The following NHSL1 variants were observed in gnomAD, a reference collection of about 807,000 sequenced individuals.
NHSL1 encodes the protein NHS-like protein 1.
A neutral mutation model predicts 95.0 loss-of-function variants in NHSL1; 48 were observed. That is an observed-to-expected ratio of 0.51 (90% CI 0.40 to 0.64). The LOEUF (loss-of-function observed/expected upper bound fraction) is 0.64, where lower values mean the gene tolerates loss of function less well. Among genes scored for constraint, NHSL1 ranks in the 30% least tolerant of loss-of-function variants. The probability of loss-of-function intolerance (pLI) is 0.00; values close to 1 mark genes in which losing one functional copy is unlikely to be tolerated. For missense variants in NHSL1, 1,971 were observed against 2,077.7 expected (o/e 0.95, Z 1.00); for synonymous variants, 783 against 833.9 (o/e 0.94, Z 1.05).
intron 3 of NHSL1, among the ~76,000 whole-genome samples, chr6:138,453,268 C>G (rs1422841312): frequency 2.0e-5 from 3 of 152,164 alleles, no homozygotes; most frequent in African/African-American, 7.2e-5. Context: ...GCCACCATGC[C>G]CAGCCTAATT....
chr6:138,683,155 C>G (rs1302444830), intron 1 of NHSL1, among the ~76,000 whole-genome samples: 2 of 152,196 alleles, frequency 1.3e-5, no homozygotes, highest in African/African-American at 2.4e-5. Context: ...CTGGCTTCCC[C>G]GGCCCCAGTG....
upstream of NHSL1, among the ~76,000 whole-genome samples, chr6:138,576,323 T>C (rs529688384): frequency 2.1e-4 from 32 of 152,014 alleles, no homozygotes; most frequent in African/African-American, 7.5e-4. Flanking sequence ...AATTGGTTTT[T>C]AAAAAAAATA....
At chr6:138,495,820 T>C (rs751953703) in intron 2 of NHSL1, among the ~76,000 whole-genome samples, 2 of 152,176 alleles carry the variant, frequency 1.3e-5, no homozygotes, top group Non-Finnish European at 2.9e-5. Flanking sequence ...CGCACAATCA[T>C]GGCAGAAGGT....
intron 3 of NHSL1, among the ~76,000 whole-genome samples, chr6:138,457,340 G>C (rs1048046414): frequency 6.6e-6 from 1 of 152,082 alleles, no homozygotes; most frequent in African/African-American, 2.4e-5. Flanking sequence ...GATATGTGTG[G>C]ATCTCGTTAG....
chr6:138,617,943 CCACCAAA>C (rs373178920), intron 1 of NHSL1, among the ~76,000 whole-genome samples: 2,388 of 152,276 alleles, frequency 0.016, 25 homozygotes, highest in Non-Finnish European at 0.025. Flanking sequence ...TGGGACCTCA[CCACCAAA>C]CATTTCTCAT....
chr6:138,572,493 A>T (rs1783875742), exon 1 of NHSL1: 1 of 152,612 alleles, frequency 6.6e-6, no homozygotes, highest in Non-Finnish European at 1.5e-5. Context: ...AGCACAGGGC[A>T]GAATCATAAA....
chr6:138,466,699 C>T (rs997923949), intron 3 of NHSL1, among the ~76,000 whole-genome samples: 4 of 152,162 alleles, frequency 2.6e-5, no homozygotes, highest in African/African-American at 9.7e-5. Flanking sequence ...TTGCAGCCAT[C>T]ATAACACAGC....
upstream of NHSL1, among the ~76,000 whole-genome samples, chr6:138,546,497 T>C (rs1782807760): frequency 7.1e-6 from 1 of 140,488 alleles, no homozygotes; most frequent in African/African-American, 2.7e-5. Flanking sequence ...TGGTCCCAGC[T>C]ACTTGGGAGG....
At chr6:138,681,053 A>G (rs1430772851) in intron 1 of NHSL1, among the ~76,000 whole-genome samples, 3 of 152,244 alleles carry the variant, frequency 2.0e-5, no homozygotes, top group African/African-American at 7.2e-5. Flanking sequence ...TCCCAAATCA[A>G]AAGACTTCCC....
intron 1 of NHSL1, among the ~76,000 whole-genome samples, chr6:138,667,082 C>A (rs1048608191): frequency 2.6e-5 from 4 of 152,194 alleles, no homozygotes; most frequent in African/African-American, 9.7e-5. Flanking sequence ...TGTCCAATTG[C>A]ATCTTTCCAC....
intron 1 of NHSL1, among the ~76,000 whole-genome samples, chr6:138,662,144 A>G (rs1220284767): frequency 7.4e-6 from 1 of 135,646 alleles, no homozygotes; most frequent in African/African-American, 2.7e-5. Context: ...GCTTTTTTTC[A>G]GAAAAAAAAA....
At chr6:138,615,507 G>A (rs978850807) in intron 1 of NHSL1, among the ~76,000 whole-genome samples, 2 of 152,244 alleles carry the variant, frequency 1.3e-5, no homozygotes, top group African/African-American at 4.8e-5. Context: ...GTCTCGCTCT[G>A]TCGCCCAGGG....
At chr6:138,566,712 T>C (rs902560816) in intron 1 of NHSL1, among the ~76,000 whole-genome samples, 6 of 151,192 alleles carry the variant, frequency 4.0e-5, no homozygotes, top group Admixed American at 2.0e-4. Context: ...ACAATTTAAT[T>C]TGCAAATAAA....
In NHSL1 at chr6:138,650,351, G is replaced by A. The variant is rs1253447656; in HGVS notation, c.96+42125C>T. On this transcript the variant is annotated intron_variant, in intron 1 of 3. Coordinates refer to the NHSL1 transcript ENST00000491526. ...ATTTGAACACCGGGGAGTAACGGGG[G>A]AGCCCAGCCTGCAGCCCACAGTTGT... is the stretch of plus-strand genomic sequence containing the variant. The A allele has an allele frequency of 5.6e-5, 61 of 1,091,818 alleles. 1 individual carries two copies. Among genetic ancestry groups the A allele is most frequent in the Middle Eastern group, 2.1e-4 (1 of 4,850 alleles). The allele number at this position is 1,091,818 out of a possible 1,614,324, so 67.6% of individuals were successfully genotyped here. A position where few individuals can be genotyped will look rare whatever the true frequency, so the allele number is the denominator to read the frequency against.
chr6:138,645,490 T>C (rs948504599), intron 1 of NHSL1, among the ~76,000 whole-genome samples: 1 of 152,030 alleles, frequency 6.6e-6, no homozygotes, highest in African/African-American at 2.4e-5. Context: ...CTTTTTGTTA[T>C]TGTAGTGTTT....
intron 3 of NHSL1, 50 bp from the exon 4 acceptor site, chr6:138,447,243 A>C (rs1359081366): frequency 4.3e-6 from 6 of 1,394,548 alleles, no homozygotes; most frequent in Non-Finnish European, 4.9e-6. Context: ...AGCTGGCAGA[A>C]ACATTTTAAA....
At chr6:138,673,031 G>GTAGATAGATAGATAGATAGA (rs113615261) in intron 1 of NHSL1, among the ~76,000 whole-genome samples, 24 of 148,058 alleles carry the variant, frequency 1.6e-4, no homozygotes, top group African/African-American at 5.2e-4. Context: ...AGATAGATAG[G>GTAGATAGATAGATAGATAGA]TAGATAGATA....
At chr6:138,492,632 G>A (rs1780142008) in intron 2 of NHSL1, among the ~76,000 whole-genome samples, 1 of 152,096 alleles carries the variant, frequency 6.6e-6, no homozygotes, top group Admixed American at 6.5e-5. Context: ...TTTATGCATT[G>A]TTTTAAAATG....
At chr6:138,648,091 A>G (rs963250658) in intron 1 of NHSL1, among the ~76,000 whole-genome samples, 2 of 152,182 alleles carry the variant, frequency 1.3e-5, no homozygotes, top group Non-Finnish European at 2.9e-5. Flanking sequence ...AGTAAATAGC[A>G]CATAATACAC....
Sources: allele counts gnomAD v4.1 joint callset (sites outside exome capture counted in the v4.1 genomes callset), GRCh38; gene constraint gnomAD v4.1.1; transcripts MANE v1.5; gene names NCBI Gene and HGNC (gene_info 2026-07-23, HGNC 2026-07-21).